Variants in BZW2 observed in about 807,000 individuals in gnomAD.
The protein encoded by BZW2 is basic leucine zipper and W2 domains 2, also known as eIF5-mimic protein 1.
A neutral mutation model predicts 53.2 loss-of-function variants in BZW2; 23 were observed. That is an observed-to-expected ratio of 0.43 (90% confidence interval 0.31 to 0.61). The LOEUF is 0.61. BZW2 is among the 20% of genes least tolerant of loss of function. BZW2 has a pLI of 0.09. For synonymous variants in BZW2, 227 were observed against 186.4 expected (o/e 1.22, Z -1.77); for missense variants, 409 against 503.1 (o/e 0.81, Z 1.79).
intron 1 of BZW2, among the ~76,000 whole-genome samples, chr7:16,650,980 C>A (rs150580982): frequency 3.7e-3 from 557 of 152,168 alleles, no homozygotes; most frequent in African/African-American, 0.012. Flanking sequence ...ATTATTCTTT[C>A]TTGATTTTTA....
At chr7:16,673,663 A>G (rs1782677659) in intron 2 of BZW2, among the ~76,000 whole-genome samples, 1 of 152,124 alleles carries the variant, frequency 6.6e-6, no homozygotes, top group Admixed American at 6.5e-5. Flanking sequence ...TTTTTGGGTT[A>G]GGATCCAAAA....
At chr7:16,666,078 C>A (rs1562480375) in intron 2 of BZW2, among the ~76,000 whole-genome samples, 1 of 151,926 alleles carries the variant, frequency 6.6e-6, no homozygotes, top group Non-Finnish European at 1.5e-5. Flanking sequence ...TCTTAGCATT[C>A]TTTTTGTGTA....
intron 1 of BZW2, among the ~76,000 whole-genome samples, chr7:16,649,297 G>A (rs1392272193): frequency 1.3e-5 from 2 of 152,214 alleles, no homozygotes; most frequent in African/African-American, 4.8e-5. Context: ...TACAAGCTGA[G>A]TTGAATTCAG....
In BZW2 at chr7:16,706,125, C is replaced by T. The variant is rs767464207; in HGVS notation, c.*37C>T. On this transcript the variant is annotated 3_prime_UTR_variant, in exon 12 of 12. Transcript: ENST00000258761. ...AGCACAATACCTAGGTTACCACACACCACTTTTTGATTGGGAATGCTGAAC... is the reference window on the plus strand; with the variant it reads ...AGCACAATACCTAGGTTACCACACATCACTTTTTGATTGGGAATGCTGAAC... 2 of 1,604,584 alleles carry T rather than the reference C, an allele frequency of 1.2e-6. No individual in the cohort carries two copies. Among genetic ancestry groups the T allele is most frequent in the Middle Eastern group, 1.7e-4 (1 of 6,034 alleles).
At chr7:16,654,653 G>C (rs1782075987) in intron 1 of BZW2, among the ~76,000 whole-genome samples, 1 of 151,296 alleles carries the variant, frequency 6.6e-6, no homozygotes, top group South Asian at 2.1e-4. Context: ...TCATGCCTCA[G>C]CCTCCCAAGT....
rs752253615 is a variant in BZW2 at position 16,686,141 on chromosome 7, A to G, written c.541+101A>G. 33 of 1,490,376 alleles carry G rather than the reference A, an allele frequency of 2.2e-5. No individual in the cohort carries two copies. In the East Asian group the frequency reaches 6.7e-4, roughly 30 times the overall value. The allele number at this position is 1,490,376 out of a possible 1,614,324, so 92.3% of individuals were successfully genotyped here. A position where few individuals can be genotyped will look rare whatever the true frequency, so the allele number is the denominator to read the frequency against. ...GTGGCTCTTTTTGGTGTCCTCTATT[A>G]CTCATTCTTCATTTAAGAGAATATC... On this transcript the variant is annotated intron_variant, in intron 6 of 11. Coordinates refer to ENST00000258761, the MANE Select transcript of BZW2 (RefSeq NM_014038.3).
chr7:16,700,978 A>G (rs576998366), intron 10 of BZW2: 74 of 152,296 alleles, frequency 4.9e-4, no homozygotes, highest in African/African-American at 1.7e-3. Flanking sequence ...CCAGAACTTG[A>G]TGATAGCAGA....
intron 10 of BZW2, among the ~76,000 whole-genome samples, chr7:16,703,900 A>C (rs1024004641): frequency 2.0e-5 from 3 of 152,118 alleles, no homozygotes; most frequent in African/African-American, 7.2e-5. Flanking sequence ...ATTTTGTCTT[A>C]ATGTAGTAGA....
chr7:16,691,975 G>A (rs1783323249), intron 7 of BZW2, among the ~76,000 whole-genome samples: 1 of 152,146 alleles, frequency 6.6e-6, no homozygotes, highest in Non-Finnish European at 1.5e-5. Flanking sequence ...TAAACTGGGT[G>A]AGAACAGCGT....
chr7:16,665,467 G>T lies in BZW2; in HGVS notation c.24G>T (p.Val8=), dbSNP rs142411907. MNKHQKP[V]LTGQRFKTRK... The stretch of plus-strand genomic sequence containing the variant: ...TTATGAATAAGCATCAGAAGCCAGT[G>T]CTAACAGGCCAGCGGTTCAAAACTC... Residue 8 remains valine (V), a synonymous_variant, in exon 2 of 12, where the codon GTG becomes GTT. Transcript: ENST00000258761. 9.9e-6 allele frequency: 16 copies of T among 1,613,964 alleles called. No homozygotes were observed. In the African/African-American group the frequency reaches 2.0e-4, roughly 20 times the overall value.
intron 1 of BZW2, among the ~76,000 whole-genome samples, chr7:16,646,862 TGA>T (rs1177750606): frequency 1.3e-5 from 2 of 152,164 alleles, no homozygotes; most frequent in East Asian, 3.9e-4. Flanking sequence ...ACTTCGTTTA[TGA>T]GAGACAGCCT....
At chr7:16,671,482 A>C (rs1782596857) in intron 2 of BZW2, among the ~76,000 whole-genome samples, 1 of 152,146 alleles carries the variant, frequency 6.6e-6, no homozygotes, top group African/African-American at 2.4e-5. Context: ...AAAAGCTTGA[A>C]ATGTCCTTTC....
At chr7:16,686,215 T>G (rs1191384913) in intron 6 of BZW2, 175 bp downstream of exon 6, 1 of 1,016,562 alleles carries the variant, frequency 9.8e-7, no homozygotes, top group Non-Finnish European at 1.4e-6. Context: ...AGTGGACTTG[T>G]TAATTGTAGG....
chr7:16,661,638 T>C (rs968098608), intron 1 of BZW2, among the ~76,000 whole-genome samples: 1 of 152,170 alleles, frequency 6.6e-6, no homozygotes, highest in Non-Finnish European at 1.5e-5. Flanking sequence ...TTTGATTGAT[T>C]GGATCATTTT....
rs1204766143 is a variant in BZW2 at position 16,697,874 on chromosome 7, G to A, written c.970-174G>A. 3 of 694,238 alleles carry A rather than the reference G, an allele frequency of 4.3e-6. No homozygotes were observed. The East Asian group carries it at 8.3e-5, about 19-fold the overall frequency. The allele number at this position is 694,238 out of a possible 1,614,324, so 43.0% of individuals were successfully genotyped here. On this transcript the variant is annotated intron_variant, in intron 9 of 11. Transcript: ENST00000258761. Reference sequence around the variant, plus strand: ...CCTCACAGGTCGACTATACTGCTTTGTTCCTACTGTTCTGTTCCCCTCACC... The same window carrying A: ...CCTCACAGGTCGACTATACTGCTTTATTCCTACTGTTCTGTTCCCCTCACC...
In BZW2 at chr7:16,674,564, A is replaced by G. The variant is rs767517929; in HGVS notation, c.211A>G (p.Ile71Val). ...YRRYADTLFD[I>V]LVAGSMLAPG... ...TCGCTATGCAGACACACTCTTCGAT[A>G]TCCTGGTGGCTGGCAGTATGCTTGG... The change falls in exon 3 of 12, where the codon ATC becomes GTC. Residue 71 changes from isoleucine (I) to valine (V), a missense_variant. Transcript: ENST00000258761. 7.5e-6 allele frequency: 12 copies of G among 1,604,232 alleles called. No homozygotes were observed. The highest frequency in any genetic ancestry group is 1.7e-5 in the Admixed American group (1 of 59,074).
intron 2 of BZW2, among the ~76,000 whole-genome samples, chr7:16,670,201 C>T (rs1429937197): frequency 6.6e-6 from 1 of 152,198 alleles, no homozygotes; most frequent in African/African-American, 2.4e-5. Context: ...ACCTACCACC[C>T]TTATTGCTCA....
Position 16,646,732 on chromosome 7 carries a change from G to A in BZW2, c.-8+444G>A, listed in dbSNP as rs1402510567. On this transcript the variant is annotated intron_variant, in intron 1 of 11. Coordinates refer to ENST00000258761, the MANE Select transcript of BZW2 (RefSeq NM_014038.3). The stretch of plus-strand genomic sequence containing the variant: ...GGGAGAAGGTAGTTTTTACGCTGGT[G>A]ATCCTCGCCCTCCCCACTACTTGTC... Among the ~76,000 whole-genome samples, 4 of 152,348 alleles carry A rather than the reference G, an allele frequency of 2.6e-5. No homozygotes were observed. The East Asian group carries it at 7.7e-4, about 29-fold the overall frequency.
intron 3 of BZW2, among the ~76,000 whole-genome samples, chr7:16,678,139 G>T (rs986575278): frequency 6.9e-5 from 9 of 129,706 alleles, no homozygotes; most frequent in African/African-American, 2.6e-4. Flanking sequence ...CTGGAGTGTT[G>T]GCTCACTGCA....
Sources: gnomAD v4.1 joint callset for allele counts (sites outside exome capture counted in the v4.1 genomes callset) on GRCh38, gnomAD v4.1.1 for gene constraint, MANE v1.5 for transcripts, NCBI Gene and HGNC (gene_info 2026-07-23, HGNC 2026-07-21) for gene names.